Variants in ITGAL observed in about 807,000 individuals in gnomAD.
ITGAL encodes integrin subunit alpha L.
A neutral mutation model predicts 138.4 loss-of-function variants in ITGAL; 68 were observed. The observed-to-expected ratio is 0.49, with a 90% CI of 0.40 to 0.60. The LOEUF is 0.60. ITGAL is among the 20% of genes least tolerant of loss of function. The pLI, the probability that ITGAL is intolerant of heterozygous loss-of-function variation, is 0.00. For synonymous variants in ITGAL, 561 were observed against 584.3 expected (o/e 0.96, Z 0.57); for missense variants, 1,256 against 1,478.6 (o/e 0.85, Z 2.47).
At chr16:30,474,952 A>G (rs1196253450) in intron 2 of ITGAL, among the ~76,000 whole-genome samples, 1 of 143,660 alleles carries the variant, frequency 7.0e-6, no homozygotes, top group Non-Finnish European at 1.5e-5. Context: ...TGTGCCTCCC[A>G]GGTTCAAGCC....
At chr16:30,513,646 G>A in intron 24 of ITGAL, 125 bp from the exon 25 acceptor site, 1 of 699,348 alleles carries the variant, frequency 1.4e-6, no homozygotes, top group Non-Finnish European at 2.5e-6. Flanking sequence ...AGAGCAGGTT[G>A]TGGTAGGGAT....
chr16:30,508,247 C>T lies in ITGAL; in HGVS notation c.2508+1391C>T, dbSNP rs369220658. 8.7e-4 allele frequency among the ~76,000 whole-genome samples: 98 copies of T among 112,122 alleles called. 2 individuals carry two copies. The highest frequency in any genetic ancestry group is 3.2e-3 in the African/African-American group (92 of 28,572). 73.6% of individuals were successfully genotyped at this position (112,122 alleles called of 152,430 possible). ...TTTTTTTTTGAGACGAAGTCTTGCT[C>T]TTGTCCCCCAGGCTAAAGTGCAATG... On this transcript the variant is annotated intron_variant, in intron 21 of 30. Transcript: ENST00000356798.
chr16:30,507,457 C>T (rs926103533), intron 21 of ITGAL, among the ~76,000 whole-genome samples: 2 of 52,488 alleles, frequency 3.8e-5, no homozygotes, highest in African/African-American at 7.8e-5. Flanking sequence ...AACTCCGTCT[C>T]AAAAAAAAAA....
Position 30,479,365 on chromosome 16 carries a change from G to T in ITGAL, c.480G>T (p.Leu160=), listed in dbSNP as rs142110125. 1.2e-6 allele frequency: 2 copies of T among 1,614,106 alleles called. No homozygotes were observed. The highest frequency in any genetic ancestry group is 1.7e-6 in the Non-Finnish European group (2 of 1,180,032). ...CIKGNVDLVF[L]FDGSMSLQPD... is the part of the protein sequence containing the mutation. The stretch of plus-strand genomic sequence containing the variant: ...AGGGCAACGTAGACCTGGTATTTCT[G>T]TTTGATGGTTCGATGAGCTTGCAGC... Residue 160 remains leucine (L), a synonymous_variant, in exon 6 of 31, where the codon CTG becomes CTT. Coordinates refer to ENST00000356798, the MANE Select transcript of ITGAL (RefSeq NM_002209.3).
At chr16:30,506,262 T>TAAAAAA (rs59616156) in intron 20 of ITGAL, among the ~76,000 whole-genome samples, 1 of 111,352 alleles carries the variant, frequency 9.0e-6, no homozygotes. Context: ...TCTGTCTCAA[T>TAAAAAA]AAAAAAAAAA....
At chr16:30,496,372 C>A in intron 14 of ITGAL, 64 bp from the exon 15 acceptor site, 1 of 1,611,920 alleles carries the variant, frequency 6.2e-7, no homozygotes, top group Admixed American at 1.7e-5. Flanking sequence ...CTCCCCAGCC[C>A]GATCCTTCCC....
intron 11 of ITGAL, among the ~76,000 whole-genome samples, chr16:30,493,236 A>C (rs1027906941): frequency 6.9e-6 from 1 of 144,436 alleles, no homozygotes; most frequent in African/African-American, 2.5e-5. Flanking sequence ...TCTTCTGACT[A>C]ATATATACCA....
At chr16:30,516,845 C>T (rs1419755336) in intron 25 of ITGAL, 128 bp from the exon 26 acceptor site, 4 of 739,666 alleles carry the variant, frequency 5.4e-6, no homozygotes, top group Non-Finnish European at 7.4e-6. Flanking sequence ...TGGACACTGC[C>T]TAACCGACAA....
chr16:30,514,468 G>T (rs2051137554), intron 25 of ITGAL, among the ~76,000 whole-genome samples: 5 of 152,076 alleles, frequency 3.3e-5, no homozygotes, highest in Admixed American at 3.3e-4. Context: ...GTAGAGATGG[G>T]GTTTTACCAT....
intron 5 of ITGAL, 21 bp from the exon 6 acceptor site, chr16:30,479,310 C>T (rs766270637): frequency 1.2e-6 from 2 of 1,613,746 alleles, no homozygotes; most frequent in Admixed American, 1.7e-5. Context: ...TCACTGGGTC[C>T]CTTGCGTCTG....
intron 9 of ITGAL, among the ~76,000 whole-genome samples, chr16:30,486,297 C>T (rs887128181): frequency 6.6e-6 from 1 of 151,694 alleles, no homozygotes; most frequent in African/African-American, 2.4e-5. Flanking sequence ...GGTCACCCAG[C>T]TACTTGGGAG....
intron 4 of ITGAL, 71 bp downstream of exon 4, chr16:30,475,651 G>C (rs1308483059): frequency 1.1e-5 from 13 of 1,161,930 alleles, no homozygotes; most frequent in Non-Finnish European, 1.6e-5. Flanking sequence ...AAGAAAAGAA[G>C]AAGAATGTGG....
chr16:30,484,625 A>G lies in ITGAL; in HGVS notation c.1006+362A>G, dbSNP rs1433744492. Among the ~76,000 whole-genome samples, 4 of 147,492 alleles carry G rather than the reference A, an allele frequency of 2.7e-5. No homozygotes were observed. The East Asian group carries it at 8.2e-4, about 30-fold the overall frequency. ...ACTCCATTTCAAAAAATAAAAAACA[A>G]AAAACAAAAATGGCCGGACGCGGTG... On this transcript the variant is annotated intron_variant, in intron 9 of 30. Coordinates refer to ENST00000356798, the MANE Select transcript of ITGAL (RefSeq NM_002209.3).
intron 30 of ITGAL, among the ~76,000 whole-genome samples, chr16:30,520,328 G>A (rs192001602): frequency 5.3e-4 from 81 of 152,246 alleles, no homozygotes; most frequent in Non-Finnish European, 7.4e-4. Context: ...CCAGCTACTC[G>A]GGAGGTTGAG....
At chr16:30,488,381 T>C (rs1597075318) in intron 9 of ITGAL, among the ~76,000 whole-genome samples, 1 of 151,970 alleles carries the variant, frequency 6.6e-6, no homozygotes, top group East Asian at 1.9e-4. Context: ...AACCAAGAGC[T>C]GAGTCTTGGA....
rs2050440682 is a variant in ITGAL at position 30,474,521 on chromosome 16, GAAGGATCCC to G, written c.164+225_164+233del. The G allele has an allele frequency of 7.2e-6, 4 of 555,612 alleles. No homozygotes were observed. The Admixed American group carries it at 1.2e-4, about 17-fold the overall frequency. The allele number at this position is 555,612 out of a possible 1,614,324, so 34.4% of individuals were successfully genotyped here. ...GGAGGCCATGGAAGTGCAGAACAGGGAAGGATCCCAGCCCCAAAACACTTCGCATTGCCC... is the reference window on the plus strand; with the variant it reads ...GGAGGCCATGGAAGTGCAGAACAGGGAGCCCCAAAACACTTCGCATTGCCC... On this transcript the variant is annotated intron_variant, in intron 2 of 30. Coordinates refer to ENST00000356798, the MANE Select transcript of ITGAL (RefSeq NM_002209.3).
At position 30,494,147 on chromosome 16, in the gene ITGAL, T is replaced by C; in HGVS notation, c.1214-65T>C. The C allele has an allele frequency of 6.9e-7, 1 of 1,452,454 alleles. No individual in the cohort carries two copies. The allele number at this position is 1,452,454 out of a possible 1,614,324, so 90.0% of individuals were successfully genotyped here. On this transcript the variant is annotated intron_variant, in intron 11 of 30. Transcript: ENST00000356798. The surrounding 1 kb of genome is among the most constrained non-coding windows in gnomAD (Gnocchi z 4.2). ...CCCAATTCCCTGGGGCCCCTGCCCC[T>C]CTCCTGCTGGGTGTTCTTCCAGCAT...
chr16:30,479,356 G>C lies in ITGAL; in HGVS notation c.471G>C (p.Leu157=), dbSNP rs772484562. 2 of 1,614,048 alleles carry C rather than the reference G, an allele frequency of 1.2e-6. No homozygotes were observed. The highest frequency in any genetic ancestry group is 1.7e-6 in the Non-Finnish European group (2 of 1,180,020). ...AATGTATCAAGGGCAACGTAGACCT[G>C]GTATTTCTGTTTGATGGTTCGATGA... ...FQECIKGNVD[L]VFLFDGSMSL... is the part of the protein sequence containing the mutation. The change falls in exon 6 of 31, where the codon CTG becomes CTC. Residue 157 remains leucine (L), a synonymous_variant. Coordinates refer to ENST00000356798, the MANE Select transcript of ITGAL (RefSeq NM_002209.3).
intron 2 of ITGAL, 92 bp from the exon 3 acceptor site, chr16:30,475,214 A>T (rs888607343): frequency 3.2e-6 from 3 of 924,394 alleles, no homozygotes; most frequent in Admixed American, 2.2e-5. Context: ...TGCTTGGAGA[A>T]ATGAGACAGG....
Sources: gnomAD v4.1 joint callset for allele counts (sites outside exome capture counted in the v4.1 genomes callset) on GRCh38, gnomAD v4.1.1 for gene constraint, Gnocchi (gnomAD v3.1) non-coding constraint, MANE v1.5 for transcripts, NCBI Gene and HGNC (gene_info 2026-07-23, HGNC 2026-07-21) for gene names.